The following KIAA1217 variants were observed in gnomAD, a reference collection of about 807,000 sequenced individuals.
KIAA1217 encodes KIAA1217.
Under a neutral mutation model 163.9 loss-of-function variants are expected in KIAA1217, and 88 were observed. The observed-to-expected ratio is 0.54, with a 90% CI of 0.45 to 0.64. The LOEUF (loss-of-function observed/expected upper bound fraction) is 0.64, where lower values mean the gene tolerates loss of function less well. Ranked by LOEUF, KIAA1217 falls within the 30% of genes least tolerant of loss-of-function variation. KIAA1217 has a pLI of 0.00. For synonymous variants in KIAA1217, 903 were observed against 923.1 expected, an observed-to-expected ratio of 0.98 and a Z score of 0.39; for missense variants, 2,372 against 2,475.0, an observed-to-expected ratio of 0.96 and a Z score of 0.88.
At chr10:24,294,503 T>C (rs777699948) in intron 2 of KIAA1217, among the ~76,000 whole-genome samples, 5 of 152,152 alleles carry the variant, frequency 3.3e-5, no homozygotes, top group Non-Finnish European at 7.3e-5. Context: ...GGATGCTACT[T>C]TCATTAGGCA....
upstream of KIAA1217, among the ~76,000 whole-genome samples, chr10:24,207,471 G>T (rs2067626613): frequency 6.6e-6 from 1 of 152,208 alleles, no homozygotes; most frequent in Admixed American, 6.5e-5. Flanking sequence ...GAAATAATAA[G>T]GTTAAAACTA....
intron 2 of KIAA1217, among the ~76,000 whole-genome samples, chr10:24,190,007 T>G: frequency 6.8e-6 from 1 of 146,214 alleles, no homozygotes; most frequent in South Asian, 2.2e-4. Flanking sequence ...GGTGACAGAG[T>G]GAGACTCTGT....
intron 2 of KIAA1217, among the ~76,000 whole-genome samples, chr10:24,118,718 T>A (rs903485537): frequency 2.6e-5 from 4 of 151,746 alleles, no homozygotes; most frequent in Non-Finnish European, 4.4e-5. Flanking sequence ...TTTTTTTTTT[T>A]AAAGGCAGCT....
At chr10:24,328,720 T>C (rs576112660) in intron 2 of KIAA1217, among the ~76,000 whole-genome samples, 1 of 152,270 alleles carries the variant, frequency 6.6e-6, no homozygotes, top group South Asian at 2.1e-4. Context: ...ATATAAATTT[T>C]ATCTCATACT....
At chr10:24,318,381 C>A (rs921020011) in intron 2 of KIAA1217, among the ~76,000 whole-genome samples, 3 of 152,122 alleles carry the variant, frequency 2.0e-5, no homozygotes, top group African/African-American at 7.2e-5. Flanking sequence ...AGAAAACAGA[C>A]TGAAACAGGC....
chr10:23,758,937 G>C (rs1834092341), intron 1 of KIAA1217, among the ~76,000 whole-genome samples: 1 of 151,664 alleles, frequency 6.6e-6, no homozygotes, highest in African/African-American at 2.4e-5. Flanking sequence ...TCCACCTGGG[G>C]TGGGTTTTTC....
At chr10:24,102,854 C>T (rs2131722037) in intron 2 of KIAA1217, among the ~76,000 whole-genome samples, 1 of 152,234 alleles carries the variant, frequency 6.6e-6, no homozygotes, top group African/African-American at 2.4e-5. Context: ...TCCCATAATC[C>T]CCATGTGTTG....
chr10:24,341,603 T>C (rs1412590541), intron 2 of KIAA1217, among the ~76,000 whole-genome samples: 3 of 152,040 alleles, frequency 2.0e-5, no homozygotes, highest in Non-Finnish European at 4.4e-5. Flanking sequence ...TATTTCCTTT[T>C]ATACTCTGCG....
chr10:24,046,785 A>G (rs1849061264), intron 2 of KIAA1217, among the ~76,000 whole-genome samples: 1 of 152,220 alleles, frequency 6.6e-6, no homozygotes, highest in South Asian at 2.1e-4. Flanking sequence ...TTTTCCCAAG[A>G]TGATGCAGAC....
At chr10:24,308,941 G>A (rs952143338) in intron 2 of KIAA1217, among the ~76,000 whole-genome samples, 1 of 151,978 alleles carries the variant, frequency 6.6e-6, no homozygotes, top group Admixed American at 6.6e-5. Flanking sequence ...TGGCCAACAT[G>A]GTGAAATGCT....
chr10:24,345,784 C>A (rs1333908931), intron 2 of KIAA1217, among the ~76,000 whole-genome samples: 1 of 149,094 alleles, frequency 6.7e-6, no homozygotes, highest in Non-Finnish European at 1.5e-5. Flanking sequence ...ATTTGACTAT[C>A]GGCAACTTTA....
intron 6 of KIAA1217, among the ~76,000 whole-genome samples, chr10:24,487,216 C>T (rs1248558970): frequency 6.6e-6 from 1 of 152,240 alleles, no homozygotes; most frequent in Non-Finnish European, 1.5e-5. Flanking sequence ...CAGCCTATTG[C>T]TCCGTCTCCA....
chr10:24,546,008 C>T lies in KIAA1217; in HGVS notation c.5516C>T (p.Pro1839Leu), dbSNP rs550849025. ...PATKPSIASN[P>L]LSPQTGPPAH... is the part of the protein sequence containing the mutation. ...ACTAAACCATCGATTGCTTCTAACC[C>T]TCTCAGCCCCCAAACAGGACCACCT... Residue 1839 changes from proline to leucine, a missense_variant, in exon 21 of 21, where the codon CCT becomes CTT. By Grantham distance (98) the Pro-to-Leu change is moderately conservative. Transcript: ENST00000376454. The T allele has an allele frequency of 1.2e-6, 2 of 1,614,166 alleles. No homozygotes were observed. The highest frequency in any genetic ancestry group is 1.3e-5 in the African/African-American group (1 of 75,048).
intron 1 of KIAA1217, among the ~76,000 whole-genome samples, chr10:23,802,835 T>C (rs1253639450): frequency 6.6e-6 from 1 of 152,048 alleles, no homozygotes; most frequent in Non-Finnish European, 1.5e-5. Context: ...TTTTGTGGAG[T>C]AGATTCTGAG....
At chr10:24,283,668 A>G (rs1223817036) in intron 2 of KIAA1217, among the ~76,000 whole-genome samples, 11 of 152,166 alleles carry the variant, frequency 7.2e-5, no homozygotes, top group Non-Finnish European at 1.5e-4. Flanking sequence ...TCCATCTCAA[A>G]AAAATAATTA....
intron 1 of KIAA1217, among the ~76,000 whole-genome samples, chr10:23,879,365 A>G (rs755453548): frequency 7.2e-5 from 11 of 151,946 alleles, no homozygotes; most frequent in Non-Finnish European, 1.5e-4. Flanking sequence ...GCATCCTAGC[A>G]TTTAAAGGTC....
chr10:24,096,810 C>A lies in KIAA1217; in HGVS notation c.-171+89436C>A, dbSNP rs554715471. Among the ~76,000 whole-genome samples, 210 of 152,258 alleles carry A rather than the reference C, an allele frequency of 1.4e-3. 1 individual carries two copies. The highest frequency in any genetic ancestry group is 2.6e-3 in the Non-Finnish European group (179 of 68,026). ...CCCTTATTACATGCTTTCATAGTTT[C>A]TCTTTCTGAGCATTTATTTTTTCCT... On this transcript the variant is annotated intron_variant, in intron 2 of 18. Coordinates refer to the KIAA1217 transcript ENST00000376462.
intron 1 of KIAA1217, among the ~76,000 whole-genome samples, chr10:23,969,667 A>T (rs1845221647): frequency 6.6e-6 from 1 of 152,150 alleles, no homozygotes; most frequent in Non-Finnish European, 1.5e-5. Flanking sequence ...TTCTTTATAT[A>T]TTCTGGGTAA....
chr10:23,709,086 A>G (rs966831073), intron 1 of KIAA1217, among the ~76,000 whole-genome samples: 2 of 152,156 alleles, frequency 1.3e-5, no homozygotes, highest in African/African-American at 4.8e-5. Flanking sequence ...GGAAAAGTAT[A>G]AAGTTTTCTG....
Sources: allele counts gnomAD v4.1 joint callset (sites outside exome capture counted in the v4.1 genomes callset), GRCh38; gene constraint gnomAD v4.1.1; transcripts MANE v1.5; gene names NCBI Gene and HGNC (gene_info 2026-07-23, HGNC 2026-07-21).